Variants in CDH12 observed in about 807,000 individuals in gnomAD.
CDH12 encodes the protein cadherin-12.
A neutral mutation model predicts 74.1 loss-of-function variants in CDH12; 41 were observed. The ratio of observed to expected loss-of-function variants is 0.55; its 90% CI spans 0.43 to 0.72. The LOEUF (loss-of-function observed/expected upper bound fraction) is 0.72. Ranked by LOEUF, CDH12 falls within the 30% of genes least tolerant of loss-of-function variation. The pLI, the probability that CDH12 is intolerant of heterozygous loss-of-function variation, is 0.00. For missense variants in CDH12, 945 were observed against 977.2 expected, an observed-to-expected ratio of 0.97 and a Z score of 0.44; for synonymous variants, 399 against 355.0, an observed-to-expected ratio of 1.12 and a Z score of -1.39.
At chr5:22,359,335 GC>G (rs1408403623) in intron 3 of CDH12, among the ~76,000 whole-genome samples, 3 of 152,146 alleles carry the variant, frequency 2.0e-5, no homozygotes, top group African/African-American at 7.2e-5. Flanking sequence ...GACAAAGAAG[GC>G]CATTACATAA....
intron 1 of CDH12, among the ~76,000 whole-genome samples, chr5:22,614,967 A>G (rs1737620935): frequency 6.6e-6 from 1 of 152,072 alleles, no homozygotes; most frequent in African/African-American, 2.4e-5. Context: ...GGGAAGATTC[A>G]TGTCATCCAG....
At chr5:22,598,592 A>G (rs1054128657) in intron 1 of CDH12, among the ~76,000 whole-genome samples, 8 of 152,188 alleles carry the variant, frequency 5.3e-5, no homozygotes, top group Non-Finnish European at 8.8e-5. Flanking sequence ...ATAACAAACT[A>G]ATACACATAT....
At chr5:22,221,527 A>C (rs1752014687) in intron 3 of CDH12, among the ~76,000 whole-genome samples, 1 of 151,942 alleles carries the variant, frequency 6.6e-6, no homozygotes, top group Admixed American at 6.6e-5. Context: ...TAAGTGACTT[A>C]ATGGCACTCA....
chr5:22,213,714 T>C (rs1751680833), intron 3 of CDH12: 1 of 152,086 alleles, frequency 6.6e-6, no homozygotes, highest in Non-Finnish European at 1.5e-5. Context: ...CAGCTCTCAC[T>C]TTTGCAGGAT....
At chr5:22,334,849 A>C (rs2150448569) in intron 3 of CDH12, among the ~76,000 whole-genome samples, 1 of 152,350 alleles carries the variant, frequency 6.6e-6, no homozygotes, top group African/African-American at 2.4e-5. Context: ...AAACAAGTCA[A>C]AATGTATTAA....
chr5:22,456,715 A>G (rs912363893), intron 2 of CDH12, among the ~76,000 whole-genome samples: 3 of 152,160 alleles, frequency 2.0e-5, no homozygotes, highest in African/African-American at 7.2e-5. Context: ...TAAATAAATT[A>G]GCTCATGCAA....
intron 1 of CDH12, among the ~76,000 whole-genome samples, chr5:22,794,142 A>T (rs1341689143): frequency 6.6e-6 from 1 of 152,170 alleles, no homozygotes; most frequent in African/African-American, 2.4e-5. Context: ...TGAAAAGCTC[A>T]TATGTCCCAG....
intron 11 of CDH12, among the ~76,000 whole-genome samples, chr5:21,778,255 T>A (rs1745701732): frequency 1.3e-5 from 2 of 152,112 alleles, no homozygotes; most frequent in Non-Finnish European, 2.9e-5. Context: ...AGACAAAATA[T>A]CTCTGAAAGT....
At chr5:22,542,189 A>G (rs951504397) in intron 1 of CDH12, among the ~76,000 whole-genome samples, 1 of 152,200 alleles carries the variant, frequency 6.6e-6, no homozygotes, top group African/African-American at 2.4e-5. Flanking sequence ...AGAGAAGACA[A>G]TATTACTACC....
rs1561586065 is a variant in CDH12 at position 22,698,727 on chromosome 5, ATATATATAGTGT to A, written c.-523+154319_-523+154330del. On this transcript the variant is annotated intron_variant, in intron 1 of 14. Coordinates refer to ENST00000382254, the MANE Select transcript of CDH12 (RefSeq NM_004061.5). The stretch of plus-strand genomic sequence containing the variant: ...TATATATATATATATATATATATAT[ATATATATAGTGT>A]GTGTGTGTGTGTGTGTGTGTGTGTG... Among the ~76,000 whole-genome samples, 18 of 9,130 alleles carry A rather than the reference ATATATATAGTGT, an allele frequency of 2.0e-3. 1 individual carries two copies. The highest frequency in any genetic ancestry group is 6.0e-3 in the East Asian group (1 of 166). The allele number at this position is 9,130 out of a possible 152,430, so 6.0% of individuals were successfully genotyped here. A position where few individuals can be genotyped will look rare whatever the true frequency, so the allele number is the denominator to read the frequency against.
chr5:22,135,280 T>C (rs945678979), intron 4 of CDH12, among the ~76,000 whole-genome samples: 1 of 151,844 alleles, frequency 6.6e-6, no homozygotes, highest in African/African-American at 2.4e-5. Flanking sequence ...TAGAGTGTTT[T>C]TGTTTTTCAA....
At chr5:22,615,543 C>A (rs1283244410) in intron 1 of CDH12, among the ~76,000 whole-genome samples, 3 of 151,980 alleles carry the variant, frequency 2.0e-5, no homozygotes. Context: ...GGCTGCTCTT[C>A]AAGATCCCTG....
intron 1 of CDH12, among the ~76,000 whole-genome samples, chr5:22,514,353 A>G (rs917673984): frequency 1.3e-5 from 2 of 152,182 alleles, no homozygotes; most frequent in African/African-American, 4.8e-5. Flanking sequence ...GAAAGAAAGT[A>G]AAAGAGATGT....
chr5:22,825,823 A>C (rs531267821), intron 1 of CDH12, among the ~76,000 whole-genome samples: 2 of 152,152 alleles, frequency 1.3e-5, no homozygotes, highest in Non-Finnish European at 2.9e-5. Flanking sequence ...AAGACCAAAT[A>C]CTGGTGGCAA....
intron 3 of CDH12, among the ~76,000 whole-genome samples, chr5:22,221,169 C>T (rs781613005): frequency 5.9e-5 from 9 of 151,800 alleles, no homozygotes; most frequent in Non-Finnish European, 1.2e-4. Flanking sequence ...TAGAAATAGA[C>T]AAAAGGATTA....
chr5:22,162,891 C>CTTTT (rs70957097), intron 4 of CDH12, among the ~76,000 whole-genome samples: 1 of 80,518 alleles, frequency 1.2e-5, no homozygotes, highest in African/African-American at 4.9e-5. Context: ...TTCCCTCTGA[C>CTTTT]TTTTTTTTTT....
chr5:22,732,807 C>A (rs566596550), intron 1 of CDH12, among the ~76,000 whole-genome samples: 1 of 151,880 alleles, frequency 6.6e-6, no homozygotes, highest in African/African-American at 2.4e-5. Flanking sequence ...ATCAACCCTG[C>A]TGATACCTTG....
chr5:22,733,322 A>T (rs973875586), intron 1 of CDH12, among the ~76,000 whole-genome samples: 1 of 151,954 alleles, frequency 6.6e-6, no homozygotes, highest in African/African-American at 2.4e-5. Flanking sequence ...GCTTACATAC[A>T]GTTATAATCC....
Position 21,802,243 on chromosome 5 carries a change from A to T in CDH12, c.1180T>A (p.Tyr394Asn). ...ATGGTCCCTACCGGAGTGTCTTCAT[A>T]AACCTCCATGGTGTAGAGCGGCTTG... is the stretch of plus-strand genomic sequence containing the variant. ...FSKPLYTMEV[Y>N]EDTPVGTIIG... Residue 394 changes from tyrosine to asparagine, a missense_variant, in exon 10 of 15, where the codon TAT becomes AAT. Physicochemically the swap from Tyr to Asn is moderately radical, Grantham distance 143 (BLOSUM62 -2). Coordinates refer to ENST00000382254, the MANE Select transcript of CDH12 (RefSeq NM_004061.5). 1 of 1,613,892 alleles carries T rather than the reference A, an allele frequency of 6.2e-7. No individual in the cohort carries two copies. Among genetic ancestry groups the T allele is most frequent in the Non-Finnish European group, 8.5e-7 (1 of 1,179,918 alleles).
Sources: gnomAD v4.1 joint callset for allele counts (sites outside exome capture counted in the v4.1 genomes callset) on GRCh38, gnomAD v4.1.1 for gene constraint, MANE v1.5 for transcripts, NCBI Gene and HGNC (gene_info 2026-07-23, HGNC 2026-07-21) for gene names.